The following OSBPL8 variants were observed in gnomAD, a reference collection of about 807,000 sequenced individuals.
The protein encoded by OSBPL8 is oxysterol binding protein like 8, also known as oxysterol-binding protein-related protein 8.
A neutral mutation model predicts 125.5 loss-of-function variants in OSBPL8; 59 were observed. The observed-to-expected ratio is 0.47, with a 90% CI of 0.38 to 0.58. The LOEUF is 0.58. Among genes scored for constraint, OSBPL8 ranks in the 20% least tolerant of loss-of-function variants. OSBPL8 has a pLI of 0.00. For missense variants in OSBPL8, 758 were observed against 1,047.8 expected, an observed-to-expected ratio of 0.72 and a Z score of 3.82; for synonymous variants, 330 against 338.9, an observed-to-expected ratio of 0.97 and a Z score of 0.29.
intron 2 of OSBPL8, among the ~76,000 whole-genome samples, chr12:76,461,792 C>T (rs185068998): frequency 2.3e-3 from 354 of 152,262 alleles, no homozygotes; most frequent in Middle Eastern, 3.4e-3. Flanking sequence ...ATCCTGACTG[C>T]AACCACATGA....
At chr12:76,447,396 A>G (rs1176054858) in intron 4 of OSBPL8, among the ~76,000 whole-genome samples, 3 of 152,226 alleles carry the variant, frequency 2.0e-5, no homozygotes, top group Non-Finnish European at 4.4e-5. Flanking sequence ...CTTGCCAAAA[A>G]TGCTCTAGCT....
Position 76,357,516 on chromosome 12 carries a change from T to C in OSBPL8, c.2435-788A>G, listed in dbSNP as rs550595390. Among the ~76,000 whole-genome samples the C allele has an allele frequency of 2.6e-5, 4 of 152,240 alleles. No individual in the cohort carries two copies. The East Asian group carries it at 7.7e-4, about 29-fold the overall frequency. ...AGTTTCTTTTCTCGTAAAATGGGAA[T>C]AACAACAATACAACCAATACTCTCT... On this transcript the variant is annotated intron_variant, in intron 22 of 23. Coordinates refer to ENST00000261183, the MANE Select transcript of OSBPL8 (RefSeq NM_020841.5).
chr12:76,478,352 T>A (rs546510744), intron 2 of OSBPL8, among the ~76,000 whole-genome samples: 2 of 151,582 alleles, frequency 1.3e-5, no homozygotes, highest in East Asian at 3.9e-4. Context: ...AAAAAAAAAA[T>A]AATTTTTACC....
At chr12:76,392,560 T>G (rs1592590541) in intron 10 of OSBPL8, 21 bp downstream of exon 10, 2 of 1,587,462 alleles carry the variant, frequency 1.3e-6, no homozygotes, top group East Asian at 4.5e-5. Context: ...CATTACCAAC[T>G]CAGCGGCAGT....
chr12:76,533,686 C>T (rs1228953182), intron 1 of OSBPL8, among the ~76,000 whole-genome samples: 2 of 152,168 alleles, frequency 1.3e-5, no homozygotes, highest in African/African-American at 4.8e-5. Flanking sequence ...ACCTCATTAC[C>T]TACCGGTTTT....
chr12:76,432,616 T>A (rs1185380379), intron 4 of OSBPL8, among the ~76,000 whole-genome samples: 2 of 151,708 alleles, frequency 1.3e-5, no homozygotes, highest in Non-Finnish European at 2.9e-5. Context: ...TCAAATAACC[T>A]ACCATTATAC....
chr12:76,359,124 C>G (rs1271151655), intron 21 of OSBPL8, among the ~76,000 whole-genome samples: 1 of 152,094 alleles, frequency 6.6e-6, no homozygotes, highest in Admixed American at 6.6e-5. Context: ...TATACATAAA[C>G]AAATATGAAT....
Position 76,355,706 on chromosome 12 carries a change from A to T in OSBPL8, c.*183T>A. 1 of 595,336 alleles carries T rather than the reference A, an allele frequency of 1.7e-6. No homozygotes were observed. Among genetic ancestry groups the T allele is most frequent in the Non-Finnish European group, 2.8e-6 (1 of 359,558 alleles). The allele number at this position is 595,336 out of a possible 1,614,324, so 36.9% of individuals were successfully genotyped here. ...ACACATAGCTCACTTTAATAATCAA[A>T]TAGGATAGCTCTTGTTTCAGTGTGA... On this transcript the variant is annotated 3_prime_UTR_variant, in exon 24 of 24. Coordinates refer to ENST00000261183, the MANE Select transcript of OSBPL8 (RefSeq NM_020841.5).
At chr12:76,536,247 G>A (rs2137382928) in intron 1 of OSBPL8, among the ~76,000 whole-genome samples, 1 of 152,178 alleles carries the variant, frequency 6.6e-6, no homozygotes, top group South Asian at 2.1e-4. Flanking sequence ...AGCGCTTTGG[G>A]AAGGCGAGTC....
intron 3 of OSBPL8, among the ~76,000 whole-genome samples, chr12:76,455,338 C>T (rs533302741): frequency 9.2e-5 from 14 of 151,834 alleles, no homozygotes; most frequent in Admixed American, 2.0e-4. Context: ...TATAATTATG[C>T]TCTCATTTAC....
At chr12:76,529,831 A>G (rs1950284188) in intron 1 of OSBPL8, among the ~76,000 whole-genome samples, 1 of 152,230 alleles carries the variant, frequency 6.6e-6, no homozygotes, top group Admixed American at 6.5e-5. Flanking sequence ...GATCCACTTT[A>G]TACTCGAAGA....
chr12:76,553,520 A>C (rs1191515964), intron 1 of OSBPL8, among the ~76,000 whole-genome samples: 1 of 151,514 alleles, frequency 6.6e-6, no homozygotes, highest in Non-Finnish European at 1.5e-5. Context: ...AAAAAACTTA[A>C]AAATTAGCCA....
At chr12:76,375,713 C>T (rs905877456) in intron 16 of OSBPL8, among the ~76,000 whole-genome samples, 8 of 150,110 alleles carry the variant, frequency 5.3e-5, no homozygotes, top group African/African-American at 1.7e-4. Flanking sequence ...GCAAGGCAAA[C>T]ACTCTTGGTT....
At chr12:76,512,562 G>T (rs757531945) in intron 1 of OSBPL8, among the ~76,000 whole-genome samples, 8 of 152,128 alleles carry the variant, frequency 5.3e-5, no homozygotes, top group Non-Finnish European at 1.2e-4. Context: ...TTTTCTACAG[G>T]TTCCATACTG....
intron 1 of OSBPL8, among the ~76,000 whole-genome samples, chr12:76,519,650 C>T (rs537978553): frequency 2.6e-5 from 4 of 152,186 alleles, no homozygotes; most frequent in Admixed American, 1.3e-4. Flanking sequence ...CTCATGGTCC[C>T]GCAGGCTGCA....
At chr12:76,447,113 T>C (rs1872802268) in intron 4 of OSBPL8, among the ~76,000 whole-genome samples, 1 of 152,204 alleles carries the variant, frequency 6.6e-6, no homozygotes, top group African/African-American at 2.4e-5. Flanking sequence ...ACTCCTAATA[T>C]TGTAACTGAT....
chr12:76,378,638 A>T, intron 15 of OSBPL8, 88 bp from the exon 16 acceptor site: 1 of 870,914 alleles, frequency 1.1e-6, no homozygotes, highest in Non-Finnish European at 1.8e-6. Flanking sequence ...CCTACCAGAC[A>T]TCTACAGTAG....
intron 4 of OSBPL8, among the ~76,000 whole-genome samples, chr12:76,449,539 G>A (rs911518065): frequency 2.0e-5 from 3 of 152,184 alleles, no homozygotes; most frequent in Admixed American, 6.5e-5. Flanking sequence ...GCACCAAACT[G>A]GAGTAGTAGG....
At chr12:76,437,590 T>C (rs1356223976) in intron 4 of OSBPL8, among the ~76,000 whole-genome samples, 1 of 152,198 alleles carries the variant, frequency 6.6e-6, no homozygotes, top group Non-Finnish European at 1.5e-5. Flanking sequence ...ACTCCCACCC[T>C]TGCCTGGTTC....
Sources: gnomAD v4.1 joint callset for allele counts (sites outside exome capture counted in the v4.1 genomes callset) on GRCh38, gnomAD v4.1.1 for gene constraint, MANE v1.5 for transcripts, NCBI Gene and HGNC (gene_info 2026-07-23, HGNC 2026-07-21) for gene names.